The following PCDHGA2 variants were observed in gnomAD, a reference collection of about 807,000 sequenced individuals.
PCDHGA2 encodes protocadherin gamma subfamily A, 2.
Under a neutral mutation model 59.2 loss-of-function variants are expected in PCDHGA2, and 40 were observed. The observed-to-expected ratio is 0.68, with a 90% CI of 0.52 to 0.88. The LOEUF is 0.88. Among genes scored for constraint, PCDHGA2 ranks in the 40% least tolerant of loss-of-function variants. PCDHGA2 has a pLI of 0.00. For synonymous variants in PCDHGA2, 560 were observed against 526.0 expected (o/e 1.06, Z -0.89); for missense variants, 1,226 against 1,204.0 (o/e 1.02, Z -0.27).
At chr5:141,383,367 G>C in intron 1 of PCDHGA2, 2 of 1,614,030 alleles carry the variant, frequency 1.2e-6, no homozygotes, top group Non-Finnish European at 1.7e-6. Context: ...CGTTAAGCGA[G>C]GCTGGGGATC....
At chr5:141,425,429 A>G in intron 1 of PCDHGA2, among the ~76,000 whole-genome samples, 1 of 152,254 alleles carries the variant, frequency 6.6e-6, no homozygotes, top group East Asian at 1.9e-4. Flanking sequence ...CCCATTAAAT[A>G]GAGGATAAAA....
chr5:141,384,221 A>C, intron 1 of PCDHGA2: 1 of 1,613,936 alleles, frequency 6.2e-7, no homozygotes, highest in Non-Finnish European at 8.5e-7. Flanking sequence ...ATATTCATGC[A>C]GGTGGCAGAC....
chr5:141,421,246 C>T (rs1047768415), intron 1 of PCDHGA2: 16 of 1,603,622 alleles, frequency 1.0e-5, no homozygotes, highest in Admixed American at 1.7e-5. Flanking sequence ...TCGGCTACAG[C>T]GCGGGGACCG....
intron 1 of PCDHGA2, chr5:141,383,623 T>C: frequency 6.2e-7 from 1 of 1,613,932 alleles, no homozygotes; most frequent in South Asian, 1.1e-5. Flanking sequence ...CACGCCTGTC[T>C]TCTCTCTGCC....
intron 1 of PCDHGA2, chr5:141,382,975 G>A (rs1459980689): frequency 6.2e-7 from 1 of 1,610,700 alleles, no homozygotes. Flanking sequence ...CCCCTGGGAA[G>A]CCTGGGCAGG....
intron 1 of PCDHGA2, chr5:141,350,504 T>A: frequency 6.2e-7 from 1 of 1,613,996 alleles, no homozygotes; most frequent in Non-Finnish European, 8.5e-7. Flanking sequence ...CGGGGATTTG[T>A]TAGTGAACGG....
intron 1 of PCDHGA2, among the ~76,000 whole-genome samples, chr5:141,460,251 A>G (rs2098984972): frequency 6.6e-6 from 1 of 152,114 alleles, no homozygotes; most frequent in Admixed American, 6.6e-5. Context: ...TAATTTTGAT[A>G]AAGCCCAATT....
At chr5:141,440,221 C>A (rs557068282) in intron 1 of PCDHGA2, 2 of 152,450 alleles carry the variant, frequency 1.3e-5, no homozygotes, top group Admixed American at 6.5e-5. Context: ...GTAATCCCAG[C>A]ACTTTGGGAG....
At chr5:141,364,344 C>G (rs1588595185) in intron 1 of PCDHGA2, 1 of 1,542,476 alleles carries the variant, frequency 6.5e-7, no homozygotes, top group Non-Finnish European at 8.7e-7. Flanking sequence ...GCGAGTCCAC[C>G]TAGGGGCTGG....
rs146919978 is a variant in PCDHGA2, at chr5:141,489,268, G to A, written c.2425-5539G>A. 1,443 of 1,553,166 alleles carry A rather than the reference G, an allele frequency of 9.3e-4. 2 individuals are homozygous for A. The highest frequency in any genetic ancestry group is 1.2e-3 in the Non-Finnish European group (1,381 of 1,149,786). On this transcript the variant is annotated intron_variant, in intron 1 of 3. Transcript: ENST00000394576. The surrounding 1 kb of genome is among the most constrained non-coding windows in gnomAD (Gnocchi z 4.5). ...GGGGCCCAAGACACTCCCACAGCTCGCTGGGAAATGGCAAGTGCTGTGCAT... is the reference window on the plus strand; with the variant it reads ...GGGGCCCAAGACACTCCCACAGCTCACTGGGAAATGGCAAGTGCTGTGCAT...
chr5:141,354,774 G>A lies in PCDHGA2; in HGVS notation c.2424+13379G>A, dbSNP rs1017891244. On this transcript the variant is annotated intron_variant, in intron 1 of 3. Coordinates refer to ENST00000394576, the MANE Select transcript of PCDHGA2 (RefSeq NM_018915.4). The stretch of plus-strand genomic sequence containing the variant: ...AAGAACACATCTTAGGAAAAAAATC[G>A]TCATATTTTCTCTAAGAAAATAAAT... Among the ~76,000 whole-genome samples the A allele has an allele frequency of 2.0e-5, 3 of 152,108 alleles. No individual in the cohort carries two copies. In the South Asian group the frequency reaches 6.2e-4, roughly 31 times the overall value.
At chr5:141,464,929 G>A (rs1358204606) in intron 1 of PCDHGA2, among the ~76,000 whole-genome samples, 1 of 151,878 alleles carries the variant, frequency 6.6e-6, no homozygotes, top group Non-Finnish European at 1.5e-5. Flanking sequence ...TTGTAGAGAT[G>A]TGAGGTCTCA....
At chr5:141,475,500 T>C (rs1393586791) in intron 1 of PCDHGA2, among the ~76,000 whole-genome samples, 1 of 152,248 alleles carries the variant, frequency 6.6e-6, no homozygotes, top group East Asian at 1.9e-4. Flanking sequence ...ACTGAAATTA[T>C]TAATGTCTCC....
intron 1 of PCDHGA2, among the ~76,000 whole-genome samples, chr5:141,433,482 C>T (rs935076625): frequency 3.3e-5 from 5 of 152,110 alleles, no homozygotes; most frequent in African/African-American, 9.6e-5. Flanking sequence ...TAGCCTCCTG[C>T]TTCTCCCTCC....
intron 1 of PCDHGA2, chr5:141,361,586 G>A: frequency 3.7e-6 from 6 of 1,614,058 alleles, no homozygotes; most frequent in Non-Finnish European, 5.1e-6. Flanking sequence ...TTGGGCCCCA[G>A]TGGCCAAGTT....
chr5:141,441,179 C>G (rs150511376), intron 1 of PCDHGA2: 13 of 152,210 alleles, frequency 8.5e-5, no homozygotes, highest in South Asian at 2.1e-4. Context: ...ACTTCTAATT[C>G]CACAATGATT....
chr5:141,422,546 G>T, intron 1 of PCDHGA2: 2 of 1,613,972 alleles, frequency 1.2e-6, no homozygotes, highest in South Asian at 2.2e-5. Flanking sequence ...ACTCATGTCT[G>T]GCTGAATGTG....
chr5:141,507,736 G>A (rs1562231670), intron 3 of PCDHGA2, among the ~76,000 whole-genome samples: 1 of 152,240 alleles, frequency 6.6e-6, no homozygotes. Flanking sequence ...CATGCAGCTC[G>A]TTCCCCTGTC....
In PCDHGA2 at chr5:141,344,626, G is replaced by A. The variant is rs776148774; in HGVS notation, c.2424+3231G>A. The A allele has an allele frequency of 5.0e-6, 8 of 1,613,928 alleles. No homozygotes were observed. The South Asian group carries it at 6.6e-5, about 13-fold the overall frequency. On this transcript the variant is annotated intron_variant, in intron 1 of 3. Transcript: ENST00000394576. ...AAGTATCCAGAGCTGGTGCTGGAGC[G>A]GGCCCTGGACCGTGAGAAAAAAGAA...
Sources: gnomAD v4.1 joint callset for allele counts (sites outside exome capture counted in the v4.1 genomes callset) on GRCh38, gnomAD v4.1.1 for gene constraint, Gnocchi (gnomAD v3.1) non-coding constraint, MANE v1.5 for transcripts, NCBI Gene and HGNC (gene_info 2026-07-23, HGNC 2026-07-21) for gene names.